The following CCL20 variants were observed in gnomAD, a reference collection of about 807,000 sequenced individuals.
The protein encoded by CCL20 is C-C motif chemokine 20.
CCL20 carries 8 observed loss-of-function variants against 10.8 expected under a neutral mutation model. The observed-to-expected ratio is 0.74, with a 90% confidence interval of 0.44 to 1.34. The LOEUF (loss-of-function observed/expected upper bound fraction) is 1.34, where lower values mean the gene tolerates loss of function less well. CCL20 is among the 40% of genes most tolerant of loss of function. CCL20 has a pLI of 0.01. For synonymous variants in CCL20, 40 were observed against 39.4 expected (o/e 1.02, Z -0.06); for missense variants, 107 against 117.9 (o/e 0.91, Z 0.43).
intron 2 of CCL20, 86 bp from the exon 3 acceptor site, chr2:227,816,220 AC>A: frequency 1.4e-6 from 1 of 720,296 alleles, no homozygotes; most frequent in Non-Finnish European, 2.4e-6. Context: ...TGTGTAATCA[AC>A]TGGAATATAA....
At position 227,813,869 on chromosome 2, in the gene CCL20, G is replaced by A. The variant is rs910915378; in HGVS notation, c.-43G>A. 6.8e-7 allele frequency: 1 copy of A among 1,462,084 alleles called. No homozygotes were observed. The highest frequency in any genetic ancestry group is 2.3e-5 in the East Asian group (1 of 44,134). The allele number at this position is 1,462,084 out of a possible 1,614,324, so 90.6% of individuals were successfully genotyped here. A position where few individuals can be genotyped will look rare whatever the true frequency, so the allele number is the denominator to read the frequency against. ...AATATAACAGCACTCCCAAAGAACTGGGTACTCAACACTGAGCAGATCTGT... is the reference window on the plus strand; with the variant it reads ...AATATAACAGCACTCCCAAAGAACTAGGTACTCAACACTGAGCAGATCTGT... On this transcript the variant is annotated 5_prime_UTR_variant, in exon 1 of 4. Transcript: ENST00000358813.
At chr2:227,815,322 CTCTAAGTGGTTTATTCG>C in intron 1 of CCL20, 115 bp from the exon 2 acceptor site, 1 of 554,506 alleles carries the variant, frequency 1.8e-6, no homozygotes. Flanking sequence ...GAAACTCCTC[CTCTAAGTGGTTTATTCG>C]TCATATACAT....
Position 227,817,062 on chromosome 2 carries a change from T to TA in CCL20, c.276dup (p.Val93SerfsTer17). The TA allele has an allele frequency of 1.9e-6, 3 of 1,606,332 alleles. No individual in the cohort carries two copies. Among genetic ancestry groups the TA allele is most frequent in the Non-Finnish European group, 2.6e-6 (3 of 1,173,414 alleles). On this transcript the variant is annotated frameshift_variant and splice_region_variant, in exon 4 of 4. Coordinates refer to ENST00000358813, the MANE Select transcript of CCL20 (RefSeq NM_004591.3). LOFTEE classifies it high-confidence loss of function. ...ACTTTTCTTCTTTTTCATTTTACAG[T>TA]AAAAAAGTCAAGAACATGTAAAAAC... is the stretch of plus-strand genomic sequence containing the variant.
At position 227,816,226 on chromosome 2, in the gene CCL20, A is replaced by G. The variant is rs1407259315; in HGVS notation, c.192-81A>G. 7.9e-6 allele frequency: 6 copies of G among 756,800 alleles called. No homozygotes were observed. The African/African-American group carries it at 8.8e-5, about 11-fold the overall frequency. The allele number at this position is 756,800 out of a possible 1,614,324, so 46.9% of individuals were successfully genotyped here. Reference sequence around the variant, plus strand: ...AATGTTTAGTGTGTAATCAACTGGAATATAAAATTTCCATTGTATGTTCTA... The same window carrying G: ...AATGTTTAGTGTGTAATCAACTGGAGTATAAAATTTCCATTGTATGTTCTA... On this transcript the variant is annotated intron_variant, in intron 2 of 3. Coordinates refer to ENST00000358813, the MANE Select transcript of CCL20 (RefSeq NM_004591.3).
At chr2:227,816,516 A>G (rs996926914) in intron 3 of CCL20, 132 bp downstream of exon 3, 1 of 486,308 alleles carries the variant, frequency 2.1e-6, no homozygotes. Context: ...TTTGAGTTGG[A>G]CCACAAAAAC....
chr2:227,816,571 T>G (rs1690028304), intron 3 of CCL20, among the ~76,000 whole-genome samples, 187 bp downstream of exon 3: 1 of 152,226 alleles, frequency 6.6e-6, no homozygotes, highest in African/African-American at 2.4e-5. Context: ...GTTATTATTA[T>G]TTTAATTTAG....
At chr2:227,816,912 T>C in intron 3 of CCL20, 150 bp from the exon 4 acceptor site, 1 of 669,440 alleles carries the variant, frequency 1.5e-6, no homozygotes, top group Non-Finnish European at 2.7e-6. Flanking sequence ...CCATCCTCTC[T>C]AAACCTCAAT....
Position 227,814,009 on chromosome 2 carries a change from A to G in CCL20, c.76+22A>G, listed in dbSNP as rs112570849. ...GAAGGTAAGTGTCGCTCTTTCCGCT[A>G]GCACAGAAGAAAGACTATTTTCATT... On this transcript the variant is annotated intron_variant, in intron 1 of 3. Transcript: ENST00000358813. 6.0e-4 allele frequency: 956 copies of G among 1,598,436 alleles called. 5 individuals carry two copies. In the African/African-American group the frequency reaches 0.012, roughly 19 times the overall value.
rs75547135 is a variant in CCL20 at position 227,813,900 on chromosome 2, G to C, written c.-12G>C. 3.8e-4 allele frequency: 616 copies of C among 1,611,320 alleles called. 5 individuals carry two copies. The East Asian group carries it at 0.012, about 31-fold the overall frequency. The stretch of plus-strand genomic sequence containing the variant: ...TCAACACTGAGCAGATCTGTTCTTT[G>C]AGCTAAAAACCATGTGCTGTACCAA... On this transcript the variant is annotated 5_prime_UTR_variant, in exon 1 of 4. Coordinates refer to ENST00000358813, the MANE Select transcript of CCL20 (RefSeq NM_004591.3).
intron 1 of CCL20, 96 bp from the exon 2 acceptor site, chr2:227,815,358 C>T: frequency 1.5e-6 from 1 of 655,448 alleles, no homozygotes; most frequent in South Asian, 1.9e-5. Flanking sequence ...ATGAGATTCA[C>T]TAGATTTTTC....
At position 227,813,982 on chromosome 2, in the gene CCL20, C is replaced by G; in HGVS notation, c.71C>G (p.Ser24Ter). Residue 24 changes from serine (S) to a stop codon, truncating the protein, a stop_gained, in exon 1 of 4, where the codon TCA (serine) becomes TGA (stop). Coordinates refer to ENST00000358813, the MANE Select transcript of CCL20 (RefSeq NM_004591.3). LOFTEE classifies it high-confidence loss of function. ...CTGCTACTCCACCTCTGCGGCGAAT[C>G]AGAAGGTAAGTGTCGCTCTTTCCGC... Reference protein sequence around the residue: ...SVLLLHLCGESEAASNFDCCL... With the variant: ...SVLLLHLCGE The G allele has an allele frequency of 6.2e-7, 1 of 1,613,672 alleles. No homozygotes were observed. The highest frequency in any genetic ancestry group is 8.5e-7 in the Non-Finnish European group (1 of 1,179,542).
chr2:227,817,124 G>C lies in CCL20; in HGVS notation c.*41G>C. On this transcript the variant is annotated 3_prime_UTR_variant, in exon 4 of 4. Transcript: ENST00000358813. ...TGGAATGGAATTGGACATAGCCCAA[G>C]AACAGAAAGAACCTTGCTGGGGTTG... The C allele has an allele frequency of 6.5e-7, 1 of 1,543,418 alleles. No homozygotes were observed. The highest frequency in any genetic ancestry group is 1.7e-4 in the Middle Eastern group (1 of 5,932).
At chr2:227,816,208 A>G in intron 2 of CCL20, 99 bp from the exon 3 acceptor site, 1 of 623,564 alleles carries the variant, frequency 1.6e-6, no homozygotes, top group Non-Finnish European at 2.8e-6. Flanking sequence ...TGAAATGTTT[A>G]GTGTGTAATC....
chr2:227,816,252 T>C, intron 2 of CCL20, 55 bp from the exon 3 acceptor site: 1 of 1,006,508 alleles, frequency 9.9e-7, no homozygotes, highest in Non-Finnish European at 1.6e-6. Context: ...GTATGTTCTA[T>C]GAAAAACCCA....
chr2:227,813,918 T>C lies in CCL20; in HGVS notation c.7T>C (p.Cys3Arg). 6.2e-7 allele frequency: 1 copy of C among 1,613,918 alleles called. No homozygotes were observed. The highest frequency in any genetic ancestry group is 8.5e-7 in the Non-Finnish European group (1 of 1,179,726). Residue 3 changes from cysteine to arginine, a missense_variant, in exon 1 of 4, where the codon TGT (cysteine) becomes CGT (arginine). Cys to Arg is a radical substitution (Grantham distance 180). Transcript: ENST00000358813. ...GTTCTTTGAGCTAAAAACCATGTGCTGTACCAAGAGTTTGCTCCTGGCTGC... is the reference window on the plus strand; with the variant it reads ...GTTCTTTGAGCTAAAAACCATGTGCCGTACCAAGAGTTTGCTCCTGGCTGC... MC[C>R]TKSLLLAALM...
In CCL20 at chr2:227,815,446, T is replaced by G. The variant is rs1690010328; in HGVS notation, c.77-8T>G. On this transcript the variant is annotated splice_region_variant and splice_polypyrimidine_tract_variant and intron_variant, in intron 1 of 3. Transcript: ENST00000358813. ...GATCCAATACCTTTCACTTTTTTTTTTTTTTAGCAGCAAGCAACTTTGACT... is the reference window on the plus strand; with the variant it reads ...GATCCAATACCTTTCACTTTTTTTTGTTTTTAGCAGCAAGCAACTTTGACT... The G allele has an allele frequency of 1.4e-6, 2 of 1,475,918 alleles. No homozygotes were observed. Among genetic ancestry groups the G allele is most frequent in the Admixed American group, 3.6e-5 (2 of 55,308 alleles). The allele number at this position is 1,475,918 out of a possible 1,614,324, so 91.4% of individuals were successfully genotyped here. A position where few individuals can be genotyped will look rare whatever the true frequency, so the allele number is the denominator to read the frequency against.
intron 2 of CCL20, chr2:227,815,799 T>C: frequency 2.8e-6 from 1 of 353,684 alleles, no homozygotes; most frequent in Non-Finnish European, 5.1e-6. Flanking sequence ...TTTTTAAAAA[T>C]TTTTTTTGGT....
In CCL20 at chr2:227,815,464, C is replaced by A; in HGVS notation, c.87C>A (p.Asn29Lys). Residue 29 changes from asparagine (N) to lysine (K), a missense_variant, in exon 2 of 4, where the codon AAC (asparagine) becomes AAA (lysine). Transcript: ENST00000358813. ...HLCGESEAASNFDCCLGYTDR... is the reference protein window; with the variant it reads ...HLCGESEAASKFDCCLGYTDR... ...TTTTTTTTTTTTTAGCAGCAAGCAA[C>A]TTTGACTGCTGTCTTGGATACACAG... The A allele has an allele frequency of 6.4e-7, 1 of 1,554,962 alleles. No individual in the cohort carries two copies. The highest frequency in any genetic ancestry group is 8.7e-7 in the Non-Finnish European group (1 of 1,144,312).
At chr2:227,816,443 G>C (rs1440288336) in intron 3 of CCL20, 59 bp downstream of exon 3, 1 of 924,688 alleles carries the variant, frequency 1.1e-6, no homozygotes, top group Non-Finnish European at 1.7e-6. Flanking sequence ...GTGTGCAAAG[G>C]GGTGGGCCGT....
Sources: gnomAD v4.1 joint callset for allele counts (sites outside exome capture counted in the v4.1 genomes callset) on GRCh38, gnomAD v4.1.1 for gene constraint, MANE v1.5 for transcripts, NCBI Gene and HGNC (gene_info 2026-07-23, HGNC 2026-07-21) for gene names.